The following ABCC9 variants were observed in gnomAD, a reference collection of about 807,000 sequenced individuals.
ABCC9 encodes the protein ATP-binding cassette sub-family C member 9.
ABCC9 carries 95 observed loss-of-function variants against 188.3 expected under a neutral mutation model. That is an observed-to-expected ratio of 0.50 (90% CI 0.43 to 0.60). The LOEUF (loss-of-function observed/expected upper bound fraction) is 0.60, where lower values mean the gene tolerates loss of function less well. Among genes scored for constraint, ABCC9 ranks in the 20% least tolerant of loss-of-function variants. The pLI is 0.00. For missense variants in ABCC9, 1,102 were observed against 1,876.3 expected (o/e 0.59, Z 7.62); for synonymous variants, 659 against 652.7 (o/e 1.01, Z -0.15).
chr12:21,829,141 A>G, intron 30 of ABCC9, 81 bp from the exon 31 acceptor site: 1 of 878,030 alleles, frequency 1.1e-6, no homozygotes, highest in Middle Eastern at 3.3e-4. Context: ...TACACTATTT[A>G]CTCAACACAG....
Position 21,936,582 on chromosome 12 carries a change from C to A in ABCC9, c.93G>T (p.Leu31=), listed in dbSNP as rs1317776694. 6 of 1,612,808 alleles carry A rather than the reference C, an allele frequency of 3.7e-6. No homozygotes were observed. Among genetic ancestry groups the A allele is most frequent in the African/African-American group, 1.3e-5 (1 of 74,760 alleles). Residue 31 remains leucine, a synonymous_variant, in exon 3 of 40, where the codon CTG becomes CTT. Transcript: ENST00000261200. The part of the protein sequence containing the change: ...QNSCFVDALN[L]VPHVFLLFIT... ...TAAACAACAGAAAGACATGAGGGAC[C>A]AGGTTGAGGGCATCCACAAAGCAGG...
intron 12 of ABCC9, among the ~76,000 whole-genome samples, chr12:21,903,068 G>A (rs574138654): frequency 3.9e-5 from 6 of 152,264 alleles, no homozygotes; most frequent in African/African-American, 1.4e-4. Flanking sequence ...ACTGAATCCA[G>A]CAGCACATCA....
At chr12:21,813,047 T>G (rs1465696617) in intron 35 of ABCC9, among the ~76,000 whole-genome samples, 1 of 152,186 alleles carries the variant, frequency 6.6e-6, no homozygotes, top group African/African-American at 2.4e-5. Context: ...TCTATGGGAT[T>G]TATCAGAATC....
chr12:21,891,410 C>T (rs704212), intron 14 of ABCC9, among the ~76,000 whole-genome samples: 36,003 of 151,946 alleles, frequency 0.24, 4,552 homozygotes, highest in African/African-American at 0.32. Flanking sequence ...TGAAAGTAGA[C>T]AAGAACACTT....
intron 34 of ABCC9, among the ~76,000 whole-genome samples, chr12:21,815,463 A>G (rs551772502): frequency 3.9e-5 from 6 of 152,302 alleles, no homozygotes; most frequent in Non-Finnish European, 8.8e-5. Context: ...TATGAATGCA[A>G]AGATTCCCAA....
At chr12:21,873,502 T>C (rs1478631237) in intron 17 of ABCC9, among the ~76,000 whole-genome samples, 1 of 152,160 alleles carries the variant, frequency 6.6e-6, no homozygotes, top group African/African-American at 2.4e-5. Context: ...CAAAGCAATC[T>C]ACAGATTCAA....
chr12:21,819,299 T>G (rs1942881736), intron 31 of ABCC9, among the ~76,000 whole-genome samples: 1 of 152,224 alleles, frequency 6.6e-6, no homozygotes, highest in Non-Finnish European at 1.5e-5. Flanking sequence ...CTTCTCTAGA[T>G]AGATTTGTCT....
rs536748638 is a variant in ABCC9, at chr12:21,799,259, T to TAAAAAAAAAAAAAAAAAAAAAA, written c.*1784_*1785insTTTTTTTTTTTTTTTTTTTTTT. ...ACTTAAAGTATATTAAAAAAAAAAT[T>TAAAAAAAAAAAAAAAAAAAAAA]AAAAAAAAAAAAGAAAAAAAAAAGA... On this transcript the variant is annotated 3_prime_UTR_variant, in exon 40 of 40. Coordinates refer to ENST00000261200, the MANE Select transcript of ABCC9 (RefSeq NM_020297.4). 8.4e-6 allele frequency: 1 copy of TAAAAAAAAAAAAAAAAAAAAAA among 118,440 alleles called. No homozygotes were observed. Among genetic ancestry groups the TAAAAAAAAAAAAAAAAAAAAAA allele is most frequent in the African/African-American group, 3.1e-5 (1 of 31,862 alleles). The allele number at this position is 118,440 out of a possible 1,614,324, so 7.3% of individuals were successfully genotyped here.
intron 19 of ABCC9, among the ~76,000 whole-genome samples, 200 bp downstream of exon 19, chr12:21,864,239 T>A (rs1945674097): frequency 6.6e-6 from 1 of 152,146 alleles, no homozygotes; most frequent in Non-Finnish European, 1.5e-5. Context: ...GGAAAACAGT[T>A]GACACAAGGA....
chr12:21,871,625 A>C (rs1231583898), intron 18 of ABCC9, among the ~76,000 whole-genome samples: 1 of 152,234 alleles, frequency 6.6e-6, no homozygotes, highest in Admixed American at 6.5e-5. Context: ...TAGTAGATAC[A>C]AAATGATATG....
chr12:21,930,452 G>A (rs570543423), intron 4 of ABCC9, among the ~76,000 whole-genome samples: 2 of 152,266 alleles, frequency 1.3e-5, no homozygotes, highest in African/African-American at 4.8e-5. Context: ...AAAGGAGGAA[G>A]GAAAGAAGTT....
rs143553602 is a variant in ABCC9 at position 21,848,088 on chromosome 12, T to TA, written c.2866+61dup. The TA allele has an allele frequency of 4.8e-3, 7,078 of 1,472,070 alleles. 280 individuals carry two copies. In the African/African-American group the frequency reaches 0.088, roughly 18 times the overall value. 91.2% of individuals were successfully genotyped at this position (1,472,070 alleles called of 1,614,324 possible). ...TATTCCTCATGGAGACACTCACACA[T>TA]AAAAAACCCTCGCATCCTGTTATCC... On this transcript the variant is annotated intron_variant, in intron 25 of 39. Coordinates refer to ENST00000261200, the MANE Select transcript of ABCC9 (RefSeq NM_020297.4).
chr12:21,839,120 G>T (rs1385670317), intron 29 of ABCC9, among the ~76,000 whole-genome samples: 1 of 152,216 alleles, frequency 6.6e-6, no homozygotes, highest in Non-Finnish European at 1.5e-5. Flanking sequence ...GAGAATGGGT[G>T]AGTGAGGAAG....
intron 30 of ABCC9, among the ~76,000 whole-genome samples, chr12:21,837,452 A>G (rs1049859681): frequency 1.3e-5 from 2 of 152,124 alleles, no homozygotes; most frequent in African/African-American, 4.8e-5. Context: ...TAAAATATCA[A>G]TTTTCTAGAT....
intron 18 of ABCC9, among the ~76,000 whole-genome samples, chr12:21,865,126 T>A (rs1945717107): frequency 1.3e-5 from 2 of 152,164 alleles, no homozygotes; most frequent in Non-Finnish European, 2.9e-5. Context: ...GTTCTAATTT[T>A]TTATAATTTA....
In ABCC9 at chr12:21,800,631, T is replaced by C. The variant is rs1217106604; in HGVS notation, c.*413A>G. 1 of 158,710 alleles carries C rather than the reference T, an allele frequency of 6.3e-6. No homozygotes were observed. The highest frequency in any genetic ancestry group is 2.4e-5 in the African/African-American group (1 of 41,560). 9.8% of individuals were successfully genotyped at this position (158,710 alleles called of 1,614,324 possible). ...AGAAAACATGTCCTTTTTTATTCCT[T>C]CCAATAACCTCTGGAGACTCCAACA... On this transcript the variant is annotated 3_prime_UTR_variant, in exon 40 of 40. Transcript: ENST00000261200.
chr12:21,829,066 G>A lies in ABCC9; in HGVS notation c.3567-6C>T, dbSNP rs778215132. On this transcript the variant is annotated splice_polypyrimidine_tract_variant and splice_region_variant and intron_variant, in intron 30 of 39. Coordinates refer to ENST00000261200, the MANE Select transcript of ABCC9 (RefSeq NM_020297.4). ...GTTTAAATCTGGTTTCATGCCTGCA[G>A]AAAACAAAAACACGATGTTAACCAC... The A allele has an allele frequency of 1.2e-6, 2 of 1,606,182 alleles. No individual in the cohort carries two copies. The highest frequency in any genetic ancestry group is 1.7e-5 in the Admixed American group (1 of 59,680).
intron 14 of ABCC9, among the ~76,000 whole-genome samples, chr12:21,888,218 T>G (rs1163688712): frequency 6.6e-6 from 1 of 152,168 alleles, no homozygotes; most frequent in African/African-American, 2.4e-5. Flanking sequence ...TCTTTGCATT[T>G]TTTTTGCAAT....
At chr12:21,932,649 T>C (rs910710647) in intron 4 of ABCC9, among the ~76,000 whole-genome samples, 27 of 151,892 alleles carry the variant, frequency 1.8e-4, no homozygotes, top group Admixed American at 1.4e-3. Flanking sequence ...CTCAACATCC[T>C]TGATCATTAG....
Sources: allele counts gnomAD v4.1 joint callset (sites outside exome capture counted in the v4.1 genomes callset), GRCh38; gene constraint gnomAD v4.1.1; transcripts MANE v1.5; gene names NCBI Gene and HGNC (gene_info 2026-07-23, HGNC 2026-07-21).